The following OCA2 variants were observed in gnomAD, a reference collection of about 807,000 sequenced individuals.
The protein encoded by OCA2 is P protein.
A neutral mutation model predicts 100.2 loss-of-function variants in OCA2; 77 were observed. The ratio of observed to expected loss-of-function variants is 0.77; its 90% CI spans 0.64 to 0.93. The LOEUF (loss-of-function observed/expected upper bound fraction) is 0.93. OCA2 is among the 40% of genes least tolerant of loss of function. OCA2 has a pLI of 0.00. For synonymous variants in OCA2, 432 were observed against 439.2 expected, an observed-to-expected ratio of 0.98 and a Z score of 0.21; for missense variants, 1,062 against 1,089.1, an observed-to-expected ratio of 0.98 and a Z score of 0.35.
At chr15:27,972,700 A>ATT (rs371672821) in intron 14 of OCA2, among the ~76,000 whole-genome samples, 1 of 146,400 alleles carries the variant, frequency 6.8e-6, no homozygotes, top group Admixed American at 6.8e-5. Context: ...TATTGGGATT[A>ATT]TTTTTTTTTT....
chr15:27,741,088 C>T, the OCA2 span, among the ~76,000 whole-genome samples: 308 of 152,328 alleles, frequency 2.0e-3, 1 homozygote, highest in African/African-American at 7.0e-3. Flanking sequence ...TACAGCACAG[C>T]TCTTATCTCA....
chr15:27,814,116 C>T (rs1359533423), intron 23 of OCA2, among the ~76,000 whole-genome samples: 1 of 152,082 alleles, frequency 6.6e-6, no homozygotes, highest in African/African-American at 2.4e-5. Flanking sequence ...ACTACAGTCA[C>T]CCTCCTGATC....
At chr15:27,946,937 T>C (rs1257999158) in intron 18 of OCA2, among the ~76,000 whole-genome samples, 1 of 152,236 alleles carries the variant, frequency 6.6e-6, no homozygotes, top group East Asian at 1.9e-4. Context: ...GAAAGGGGCC[T>C]GCCCCACACT....
chr15:27,809,751 C>G (rs944668452), intron 23 of OCA2, among the ~76,000 whole-genome samples: 2 of 152,160 alleles, frequency 1.3e-5, no homozygotes, highest in Admixed American at 6.5e-5. Flanking sequence ...ATCAAGAACT[C>G]AATCCCTTTT....
intron 9 of OCA2, among the ~76,000 whole-genome samples, chr15:28,006,951 G>C (rs113092009): frequency 2.0e-5 from 3 of 152,338 alleles, no homozygotes; most frequent in African/African-American, 7.2e-5. Flanking sequence ...CTCCCTGGAA[G>C]ATGGAAGGTG....
Position 27,845,030 on chromosome 15 carries a change from C to G in OCA2, c.2361G>C (p.Ala787=). The G allele has an allele frequency of 6.2e-7, 1 of 1,613,816 alleles. No individual in the cohort carries two copies. Among genetic ancestry groups the G allele is most frequent in the Middle Eastern group, 1.6e-4 (1 of 6,062 alleles). ...TCCCTGCACACACGACGTTTGCCGA[C>G]GCGCCAATCAGTGTCCCGTTACCTA... ...CLGGNGTLIG[A]SANVVCAGIA... Residue 787 remains alanine, a synonymous_variant, in exon 23 of 24, where the codon GCG becomes GCC. Transcript: ENST00000354638.
chr15:27,868,229 AT>A (rs2036401918), intron 21 of OCA2, among the ~76,000 whole-genome samples: 1 of 152,232 alleles, frequency 6.6e-6, no homozygotes, highest in South Asian at 2.1e-4. Flanking sequence ...TGCAGCGGAA[AT>A]CAGGCTCTCG....
At chr15:27,731,708 C>G in the OCA2 span, among the ~76,000 whole-genome samples, 1 of 152,190 alleles carries the variant, frequency 6.6e-6, no homozygotes, top group African/African-American at 2.4e-5. Flanking sequence ...GGGCTTCAGT[C>G]AGTTCTGAGA....
At chr15:28,062,308 C>G (rs977882620) in intron 2 of OCA2, among the ~76,000 whole-genome samples, 2 of 152,198 alleles carry the variant, frequency 1.3e-5, no homozygotes, top group Non-Finnish European at 2.9e-5. Context: ...TTGCATTTCT[C>G]TAAATACCAC....
At chr15:27,899,401 A>G (rs2151638026) in intron 19 of OCA2, among the ~76,000 whole-genome samples, 1 of 152,352 alleles carries the variant, frequency 6.6e-6, no homozygotes, top group African/African-American at 2.4e-5. Flanking sequence ...TCTAACCAAT[A>G]GAGGTGGGCG....
chr15:27,728,524 AC>A, the OCA2 span, among the ~76,000 whole-genome samples: 7 of 152,108 alleles, frequency 4.6e-5, no homozygotes, highest in Non-Finnish European at 7.3e-5. Context: ...GCAAGCTGGC[AC>A]TGTTCCTGCT....
chr15:27,731,057 T>C, the OCA2 span, among the ~76,000 whole-genome samples: 3 of 152,094 alleles, frequency 2.0e-5, no homozygotes, highest in South Asian at 4.1e-4. Flanking sequence ...TGTAGCCACA[T>C]AGTAAGCAGA....
chr15:27,868,806 G>A (rs1335700590), intron 21 of OCA2, among the ~76,000 whole-genome samples: 3 of 152,192 alleles, frequency 2.0e-5, no homozygotes, highest in African/African-American at 7.2e-5. Context: ...ATTATCACAG[G>A]TATACACATA....
chr15:27,734,220 C>T, the OCA2 span, among the ~76,000 whole-genome samples: 1 of 144,612 alleles, frequency 6.9e-6, no homozygotes, highest in Non-Finnish European at 1.5e-5. Context: ...AGTGCAATCA[C>T]TCTCCAGTGA....
intron 2 of OCA2, among the ~76,000 whole-genome samples, chr15:28,069,707 A>G (rs1401860672): frequency 6.9e-6 from 1 of 145,286 alleles, no homozygotes; most frequent in African/African-American, 2.7e-5. Context: ...CTCAGTGCTC[A>G]ATGGTGCCCA....
chr15:28,014,438 C>T (rs1305385052), intron 9 of OCA2, among the ~76,000 whole-genome samples: 2 of 152,208 alleles, frequency 1.3e-5, no homozygotes, highest in Non-Finnish European at 2.9e-5. Context: ...CAGGTGCAGA[C>T]TCTGAGTCTC....
rs1332597855 is a variant in OCA2 at position 27,913,830 on chromosome 15, GAAA to G, written c.2079+12294_2079+12296del. ...AAAAAAAAAAAGAGAAAGAAAGAAA[GAAA>G]GAAAGGAAAGAAAGAAAGAAAGAAA... On this transcript the variant is annotated intron_variant, in intron 19 of 23. Coordinates refer to ENST00000354638, the MANE Select transcript of OCA2 (RefSeq NM_000275.3). 3.5e-4 allele frequency among the ~76,000 whole-genome samples: 20 copies of G among 56,766 alleles called. 1 individual carries two copies. Among genetic ancestry groups the G allele is most frequent in the African/African-American group, 1.2e-3 (18 of 15,558 alleles). The allele number at this position is 56,766 out of a possible 152,430, so 37.2% of individuals were successfully genotyped here.
chr15:27,794,051 C>A (rs1232348515), intron 23 of OCA2, among the ~76,000 whole-genome samples: 1 of 152,206 alleles, frequency 6.6e-6, no homozygotes, highest in Non-Finnish European at 1.5e-5. Flanking sequence ...TAGAGAAGAT[C>A]TTTTCTTAGT....
intron 19 of OCA2, among the ~76,000 whole-genome samples, chr15:27,876,133 G>A (rs2036781533): frequency 6.6e-6 from 1 of 152,038 alleles, no homozygotes; most frequent in African/African-American, 2.4e-5. Flanking sequence ...TGAAGTATAA[G>A]GTTGGCTCTA....
Sources: allele counts gnomAD v4.1 joint callset (sites outside exome capture counted in the v4.1 genomes callset), GRCh38; gene constraint gnomAD v4.1.1; transcripts MANE v1.5; gene names NCBI Gene and HGNC (gene_info 2026-07-23, HGNC 2026-07-21).